DPP10: variants seen among roughly 807,000 people sequenced by gnomAD.
DPP10 encodes the protein inactive dipeptidyl peptidase 10.
DPP10 carries 33 observed loss-of-function variants against 120.9 expected under a neutral mutation model. That is an observed-to-expected ratio of 0.27 (90% CI 0.21 to 0.37). DPP10 has a LOEUF of 0.37. DPP10 is among the 10% of genes least tolerant of loss of function. DPP10 has a pLI of 1.00. For missense variants in DPP10, 816 were observed against 942.8 expected, an observed-to-expected ratio of 0.87 and a Z score of 1.76; for synonymous variants, 337 against 326.1, an observed-to-expected ratio of 1.03 and a Z score of -0.36.
intron 3 of DPP10, among the ~76,000 whole-genome samples, chr2:115,474,860 T>C (rs528686635): frequency 6.8e-4 from 103 of 152,054 alleles, no homozygotes; most frequent in African/African-American, 2.4e-3. Flanking sequence ...TCAGAGACAT[T>C]TGTGGCATCC....
intron 1 of DPP10, among the ~76,000 whole-genome samples, chr2:115,060,218 CTA>C (rs1327153789): frequency 2.7e-5 from 4 of 148,448 alleles, no homozygotes; most frequent in Non-Finnish European, 5.9e-5. Flanking sequence ...TATATATACA[CTA>C]TATATATAGT....
At chr2:115,709,074 A>G (rs2092229547) in intron 7 of DPP10, among the ~76,000 whole-genome samples, 2 of 152,152 alleles carry the variant, frequency 1.3e-5, no homozygotes, top group East Asian at 3.8e-4. Flanking sequence ...CTCAAGCCTG[A>G]ACAAAACCAG....
chr2:115,255,994 G>A (rs558332639), intron 1 of DPP10, among the ~76,000 whole-genome samples: 40 of 152,164 alleles, frequency 2.6e-4, no homozygotes, highest in African/African-American at 7.5e-4. Flanking sequence ...CCACGTTTTC[G>A]GGTCTCTTTA....
chr2:114,918,350 G>A (rs1218484751), intron 1 of DPP10, among the ~76,000 whole-genome samples: 1 of 152,076 alleles, frequency 6.6e-6, no homozygotes, highest in Non-Finnish European at 1.5e-5. Context: ...TTGCTGGTGG[G>A]GATATAAGTT....
chr2:115,800,789 T>C (rs1189250723), intron 19 of DPP10, among the ~76,000 whole-genome samples: 1 of 152,166 alleles, frequency 6.6e-6, no homozygotes, highest in Admixed American at 6.6e-5. Flanking sequence ...GTTCCATTGG[T>C]CTATATCTCT....
At chr2:115,043,052 A>C (rs1277869820) in intron 1 of DPP10, among the ~76,000 whole-genome samples, 1 of 152,168 alleles carries the variant, frequency 6.6e-6, no homozygotes, top group Non-Finnish European at 1.5e-5. Flanking sequence ...GACATAGTAC[A>C]TTTTCCCTGG....
intron 5 of DPP10, among the ~76,000 whole-genome samples, chr2:115,533,965 G>C (rs1189056104): frequency 2.0e-5 from 3 of 151,892 alleles, no homozygotes; most frequent in Non-Finnish European, 4.4e-5. Flanking sequence ...GTCCCTAGGA[G>C]GTGGACAAAA....
chr2:115,570,632 G>A (rs1480306773), intron 5 of DPP10, among the ~76,000 whole-genome samples: 2 of 152,140 alleles, frequency 1.3e-5, no homozygotes, highest in Non-Finnish European at 2.9e-5. Flanking sequence ...ATGCTGTGTG[G>A]TGTTGTTATT....
At chr2:114,617,607 T>A (rs1693771587) in intron 1 of DPP10, among the ~76,000 whole-genome samples, 1 of 152,060 alleles carries the variant, frequency 6.6e-6, no homozygotes, top group Non-Finnish European at 1.5e-5. Flanking sequence ...TTTAGTGTTG[T>A]TTTTAGTGTT....
chr2:115,447,706 C>T (rs2072737586), intron 3 of DPP10, among the ~76,000 whole-genome samples: 1 of 152,198 alleles, frequency 6.6e-6, no homozygotes, highest in South Asian at 2.1e-4. Flanking sequence ...TGCTTCTCCT[C>T]ATCTTCTGCC....
chr2:114,631,459 G>A (rs1694920138), intron 1 of DPP10, among the ~76,000 whole-genome samples: 1 of 152,074 alleles, frequency 6.6e-6, no homozygotes, highest in Admixed American at 6.5e-5. Flanking sequence ...AGAGCTAAAG[G>A]AAGAGACATG....
intron 1 of DPP10, among the ~76,000 whole-genome samples, chr2:115,015,462 A>G (rs1168862779): frequency 6.6e-6 from 1 of 152,190 alleles, no homozygotes; most frequent in East Asian, 1.9e-4. Context: ...GACCTCTCTC[A>G]CTACTCCTAT....
At chr2:115,512,720 G>A (rs2077298807) in intron 4 of DPP10, among the ~76,000 whole-genome samples, 1 of 151,668 alleles carries the variant, frequency 6.6e-6, no homozygotes, top group South Asian at 2.1e-4. Context: ...TTCCATTATT[G>A]ATTTTTAATA....
chr2:115,160,845 A>C (rs2052257789), intron 1 of DPP10, among the ~76,000 whole-genome samples: 1 of 151,968 alleles, frequency 6.6e-6, no homozygotes, highest in Non-Finnish European at 1.5e-5. Context: ...CCCTGCAGCC[A>C]GGGGATTTGG....
intron 15 of DPP10, among the ~76,000 whole-genome samples, chr2:115,780,595 A>C (rs752760304): frequency 2.0e-5 from 3 of 151,870 alleles, no homozygotes; most frequent in Non-Finnish European, 4.4e-5. Context: ...GTTCCATTGA[A>C]ATCAGTTCTT....
At chr2:114,556,795 AG>A (rs897580506) in intron 1 of DPP10, among the ~76,000 whole-genome samples, 3 of 152,182 alleles carry the variant, frequency 2.0e-5, no homozygotes, top group Non-Finnish European at 4.4e-5. Context: ...TGACAGAGGA[AG>A]AAAACTGAGT....
At chr2:115,645,001 G>A (rs546984236) in intron 5 of DPP10, among the ~76,000 whole-genome samples, 1 of 152,246 alleles carries the variant, frequency 6.6e-6, no homozygotes, top group East Asian at 1.9e-4. Flanking sequence ...GATAGAGTAG[G>A]AAAGTCAGAT....
At chr2:115,400,430 G>C (rs1383344626) in intron 3 of DPP10, among the ~76,000 whole-genome samples, 2 of 150,826 alleles carry the variant, frequency 1.3e-5, no homozygotes, top group African/African-American at 4.9e-5. Context: ...TCTCCAAAAA[G>C]CAAGTACAGA....
rs542105232 is a variant in DPP10 at position 115,347,088 on chromosome 2, A to G, written c.271+3176A>G. Among the ~76,000 whole-genome samples, 3 of 152,324 alleles carry G rather than the reference A, an allele frequency of 2.0e-5. No homozygotes were observed. The East Asian group carries it at 5.8e-4, about 29-fold the overall frequency. ...GACCAGTTAAAAAGAGAAAAGCATA[A>G]CAAATTTATTTAATGAAAGTTTTAT... On this transcript the variant is annotated intron_variant, in intron 3 of 25. Coordinates refer to ENST00000410059, the MANE Select transcript of DPP10 (RefSeq NM_020868.6).
Sources: gnomAD v4.1 joint callset for allele counts (sites outside exome capture counted in the v4.1 genomes callset) on GRCh38, gnomAD v4.1.1 for gene constraint, MANE v1.5 for transcripts, NCBI Gene and HGNC (gene_info 2026-07-23, HGNC 2026-07-21) for gene names.